Variants in DIS3 observed in about 807,000 individuals in gnomAD.
The protein encoded by DIS3 is DIS3 exosome endoribonuclease and 3'-5' exoribonuclease, also known as exosome complex exonuclease RRP44.
Under a neutral mutation model 113.0 loss-of-function variants are expected in DIS3, and 103 were observed. The ratio of observed to expected loss-of-function variants is 0.91; its 90% CI spans 0.78 to 1.07. DIS3 has a LOEUF of 1.07. DIS3 is among the 50% of genes least tolerant of loss of function. DIS3 has a pLI of 0.00. For missense variants in DIS3, 1,121 were observed against 1,167.1 expected, an observed-to-expected ratio of 0.96 and a Z score of 0.58; for synonymous variants, 402 against 394.3, an observed-to-expected ratio of 1.02 and a Z score of -0.23.
chr13:72,770,385 C>T (rs1391963796), intron 13 of DIS3, among the ~76,000 whole-genome samples: 1 of 152,154 alleles, frequency 6.6e-6, no homozygotes, highest in African/African-American at 2.4e-5. Context: ...CTTCCCCTCC[C>T]ACCCAAACTG....
chr13:72,756,619 G>T lies in DIS3; in HGVS notation c.*3176C>A, dbSNP rs1289196370. 1 of 152,188 alleles carries T rather than the reference G, an allele frequency of 6.6e-6. No individual in the cohort carries two copies. The highest frequency in any genetic ancestry group is 1.5e-5 in the Non-Finnish European group (1 of 68,060). The allele number at this position is 152,188 out of a possible 1,614,324, so 9.4% of individuals were successfully genotyped here. ...TTGTAGCAATCCCCACGTGTCAAGGGTGGGACCAGGTGGAGGTAACTGGAT... is the reference window on the plus strand; with the variant it reads ...TTGTAGCAATCCCCACGTGTCAAGGTTGGGACCAGGTGGAGGTAACTGGAT... On this transcript the variant is annotated 3_prime_UTR_variant, in exon 21 of 21. Transcript: ENST00000377767.
chr13:72,781,024 A>G (rs746647069), intron 1 of DIS3, 21 bp from the exon 2 acceptor site: 2 of 1,583,086 alleles, frequency 1.3e-6, no homozygotes, highest in Non-Finnish European at 1.7e-6. Flanking sequence ...GATAAAGTTA[A>G]TTTTTCCTAT....
intron 13 of DIS3, among the ~76,000 whole-genome samples, chr13:72,769,799 C>T (rs181011041): frequency 6.6e-6 from 1 of 152,136 alleles, no homozygotes; most frequent in South Asian, 2.1e-4. Context: ...GTTTTCTTTG[C>T]AACCACTGGT....
intron 1 of DIS3, 197 bp from the exon 2 acceptor site, chr13:72,781,200 AAACAG>A: frequency 6.7e-7 from 1 of 1,496,928 alleles, no homozygotes; most frequent in South Asian, 1.2e-5. Flanking sequence ...AAGCACACTT[AAACAG>A]ACCAATCACA....
rs780479408 is a variant in DIS3, at chr13:72,771,871, C to T, written c.1529G>A (p.Ser510Asn). 8 of 1,613,512 alleles carry T rather than the reference C, an allele frequency of 5.0e-6. No individual in the cohort carries two copies. The East Asian group carries it at 1.6e-4, about 31-fold the overall frequency. Residue 510 changes from serine (S) to asparagine (N), a missense_variant, in exon 11 of 21, where the codon AGC becomes AAC. By Grantham distance (46) the Ser-to-Asn change is conservative. This residue lies in a region of DIS3 where 861 missense variants were observed against 915.5 expected (regional missense o/e 0.94). Transcript: ENST00000377767. ...GGCATTTCCTGGCCTAATAAAATGGCTCACATCAGCAATATGAACACCAAC... is the reference window on the plus strand; with the variant it reads ...GGCATTTCCTGGCCTAATAAAATGGTTCACATCAGCAATATGAACACCAAC... ...LEVGVHIADV[S>N]HFIRPGNALD...
At chr13:72,781,462 C>T in intron 1 of DIS3, 143 bp downstream of exon 1, 1 of 1,453,960 alleles carries the variant, frequency 6.9e-7, no homozygotes, top group Admixed American at 2.6e-5. Flanking sequence ...GCCTGGGGAA[C>T]AGGAAGCTTC....
Position 72,763,436 on chromosome 13 carries a change from A to G in DIS3, c.2127+15T>C. 6.4e-7 allele frequency: 1 copy of G among 1,573,526 alleles called. No homozygotes were observed. On this transcript the variant is annotated intron_variant, in intron 16 of 20. Coordinates refer to ENST00000377767, the MANE Select transcript of DIS3 (RefSeq NM_014953.5). ...AAAACACAAATAGATGATTTTTCAAACTGTAGGACCTTACCCTTGACCTGG... is the reference window on the plus strand; with the variant it reads ...AAAACACAAATAGATGATTTTTCAAGCTGTAGGACCTTACCCTTGACCTGG...
In DIS3 at chr13:72,754,906, G is replaced by T; in HGVS notation, c.*4889C>A. 1 of 382,030 alleles carries T rather than the reference G, an allele frequency of 2.6e-6. No individual in the cohort carries two copies. Among genetic ancestry groups the T allele is most frequent in the Non-Finnish European group, 4.8e-6 (1 of 209,458 alleles). 23.7% of individuals were successfully genotyped at this position (382,030 alleles called of 1,614,324 possible). ...TTTTAAAATTTTTGGTAGAGACAGGGTCTCACTATGTTGCCAGGGCTAGTC... is the reference window on the plus strand; with the variant it reads ...TTTTAAAATTTTTGGTAGAGACAGGTTCTCACTATGTTGCCAGGGCTAGTC... On this transcript the variant is annotated 3_prime_UTR_variant, in exon 21 of 21. Coordinates refer to ENST00000377767, the MANE Select transcript of DIS3 (RefSeq NM_014953.5).
Position 72,759,887 on chromosome 13 carries a change from A to G in DIS3, c.2794-9T>C. 1 of 1,603,916 alleles carries G rather than the reference A, an allele frequency of 6.2e-7. No individual in the cohort carries two copies. The highest frequency in any genetic ancestry group is 8.5e-7 in the Non-Finnish European group (1 of 1,171,570). On this transcript the variant is annotated splice_polypyrimidine_tract_variant and intron_variant, in intron 20 of 20. Transcript: ENST00000377767. ...ATGCTTATTCCTGGTATCTAAAGTAATGCAAATGGGGGGAAATAAGGTGAT... is the reference window on the plus strand; with the variant it reads ...ATGCTTATTCCTGGTATCTAAAGTAGTGCAAATGGGGGGAAATAAGGTGAT...
chr13:72,775,514 T>C, intron 5 of DIS3, 139 bp from the exon 6 acceptor site: 1 of 1,066,056 alleles, frequency 9.4e-7, no homozygotes, highest in Non-Finnish European at 1.2e-6. Context: ...ATTTTCTTTC[T>C]CTATTGTGTC....
chr13:72,774,853 A>C (rs1171378143), intron 6 of DIS3, among the ~76,000 whole-genome samples: 2 of 152,126 alleles, frequency 1.3e-5, no homozygotes, highest in Non-Finnish European at 2.9e-5. Flanking sequence ...TACCTAAAGC[A>C]TTTTCTAAAA....
chr13:72,777,569 C>T (rs1456136793), intron 3 of DIS3, 76 bp from the exon 4 acceptor site: 8 of 1,199,838 alleles, frequency 6.7e-6, no homozygotes, highest in Middle Eastern at 2.1e-4. Flanking sequence ...GTCTTGTTTG[C>T]GACAGTATAC....
intron 3 of DIS3, among the ~76,000 whole-genome samples, chr13:72,777,768 G>A (rs1294096345): frequency 6.9e-6 from 1 of 145,016 alleles, no homozygotes; most frequent in African/African-American, 2.6e-5. Context: ...TTTTTTTCCT[G>A]TAGAGCTATA....
Position 72,753,559 on chromosome 13 carries a change from G to A in DIS3, c.*6236C>T, listed in dbSNP as rs2033339697. ...TATTTGTGCATTACTTTTGAATTTT[G>A]TTCAACATGATCAATATTACATGTT... On this transcript the variant is annotated 3_prime_UTR_variant, in exon 21 of 21. Coordinates refer to ENST00000377767, the MANE Select transcript of DIS3 (RefSeq NM_014953.5). 4.3e-6 allele frequency: 4 copies of A among 938,784 alleles called. No individual in the cohort carries two copies. The South Asian group carries it at 7.4e-5, about 17-fold the overall frequency. The allele number at this position is 938,784 out of a possible 1,614,324, so 58.2% of individuals were successfully genotyped here.
In DIS3 at chr13:72,753,461, T is replaced by C; in HGVS notation, c.*6334A>G. The C allele has an allele frequency of 5.5e-6, 2 of 366,580 alleles. No homozygotes were observed. Among genetic ancestry groups the C allele is most frequent in the Non-Finnish European group, 9.7e-6 (2 of 205,950 alleles). The allele number at this position is 366,580 out of a possible 1,614,324, so 22.7% of individuals were successfully genotyped here. A position where few individuals can be genotyped will look rare whatever the true frequency, so the allele number is the denominator to read the frequency against. On this transcript the variant is annotated 3_prime_UTR_variant, in exon 21 of 21. Coordinates refer to ENST00000377767, the MANE Select transcript of DIS3 (RefSeq NM_014953.5). ...GGCTGTTCACTGATTCTTAAGGAAGTTACAAGATATATTTCATTGGAAGGA... is the reference window on the plus strand; with the variant it reads ...GGCTGTTCACTGATTCTTAAGGAAGCTACAAGATATATTTCATTGGAAGGA...
intron 1 of DIS3, 34 bp downstream of exon 1, chr13:72,781,571 G>A (rs1319628402): frequency 6.1e-6 from 9 of 1,481,854 alleles, no homozygotes; most frequent in Non-Finnish European, 6.3e-6. Context: ...GTCCCCGTGG[G>A]GCCGCGCTGT....
At chr13:72,776,744 T>A (rs893486767) in intron 4 of DIS3, among the ~76,000 whole-genome samples, 26 of 152,352 alleles carry the variant, frequency 1.7e-4, no homozygotes, top group African/African-American at 6.0e-4. Context: ...GCTCAGAATT[T>A]AATTATTCCC....
chr13:72,776,730 G>T (rs2034026799), intron 4 of DIS3, among the ~76,000 whole-genome samples: 1 of 152,088 alleles, frequency 6.6e-6, no homozygotes, highest in Admixed American at 6.5e-5. Flanking sequence ...ATAAGAAAAT[G>T]AATGCTCAGA....
At position 72,758,644 on chromosome 13, in the gene DIS3, T is replaced by C. The variant is rs1337986983; in HGVS notation, c.*1151A>G. The C allele has an allele frequency of 7.8e-5, 17 of 219,250 alleles. No homozygotes were observed. The Admixed American group carries it at 9.8e-4, about 13-fold the overall frequency. 13.6% of individuals were successfully genotyped at this position (219,250 alleles called of 1,614,324 possible). On this transcript the variant is annotated 3_prime_UTR_variant, in exon 21 of 21. Transcript: ENST00000377767. The stretch of plus-strand genomic sequence containing the variant: ...CAACTGACACAAGTTTCTGCCTCAG[T>C]GTATGGAGGTTTTCCTCAGTAATAG...
Sources: allele counts gnomAD v4.1 joint callset (sites outside exome capture counted in the v4.1 genomes callset), GRCh38; gene constraint gnomAD v4.1.1; regional missense constraint gnomAD v4.1.1; transcripts MANE v1.5; gene names NCBI Gene and HGNC (gene_info 2026-07-23, HGNC 2026-07-21).